Variants in CEP152 observed in about 807,000 individuals in gnomAD.
The protein encoded by CEP152 is centrosomal protein of 152 kDa.
Under a neutral mutation model 188.9 loss-of-function variants are expected in CEP152, and 132 were observed. The observed-to-expected ratio is 0.70, with a 90% CI of 0.61 to 0.81. The LOEUF (loss-of-function observed/expected upper bound fraction) is 0.81. CEP152 is among the 30% of genes least tolerant of loss of function. CEP152 has a pLI of 0.00. For synonymous variants in CEP152, 649 were observed against 666.6 expected, an observed-to-expected ratio of 0.97 and a Z score of 0.41; for missense variants, 1,914 against 1,969.8, an observed-to-expected ratio of 0.97 and a Z score of 0.54.
intron 22 of CEP152, 49 bp from the exon 23 acceptor site, chr15:48,745,041 CCTT>C: frequency 3.1e-6 from 4 of 1,297,050 alleles, no homozygotes; most frequent in Middle Eastern, 2.4e-4. Context: ...ATTTTTTAAG[CCTT>C]CTTTTCCCTT....
At chr15:48,775,557 T>C (rs948467772) in intron 12 of CEP152, among the ~76,000 whole-genome samples, 2 of 152,014 alleles carry the variant, frequency 1.3e-5, no homozygotes, top group Non-Finnish European at 1.5e-5. Context: ...AATAAACAAA[T>C]ATAAGGATAT....
At position 48,739,071 on chromosome 15, in the gene CEP152, T is replaced by G. The variant is rs780290677; in HGVS notation, c.4311A>C (p.Lys1437Asn). 6.2e-7 allele frequency: 1 copy of G among 1,614,218 alleles called. No homozygotes were observed. The highest frequency in any genetic ancestry group is 8.5e-7 in the Non-Finnish European group (1 of 1,180,026). ...EHQSIKHVGS[K>N]ETHLEFQFGD... is the part of the protein sequence containing the mutation. ...CAAACTGGAATTCCAAATGTGTCTC[T>G]TTGGATCCCACATGCTTTATGCTCT... The change falls in exon 27 of 27, where the codon AAA becomes AAC. Residue 1437 changes from lysine (K) to asparagine (N), a missense_variant. Coordinates refer to ENST00000380950, the MANE Select transcript of CEP152 (RefSeq NM_001194998.2).
Position 48,742,308 on chromosome 15 carries a change from G to A in CEP152, c.3836-208C>T, listed in dbSNP as rs76019847. Among the ~76,000 whole-genome samples, 548 of 152,140 alleles carry A rather than the reference G, an allele frequency of 3.6e-3. 3 individuals are homozygous for A. Among genetic ancestry groups the A allele is most frequent in the African/African-American group, 0.013 (530 of 41,482 alleles). On this transcript the variant is annotated intron_variant, in intron 24 of 26. Coordinates refer to ENST00000380950, the MANE Select transcript of CEP152 (RefSeq NM_001194998.2). ...TGAGAAGTACTCTATAAGTTCTTTC[G>A]GAATGATGACAGCTACATATAGTAA... is the stretch of plus-strand genomic sequence containing the variant.
chr15:48,738,304 G>T lies in CEP152; in HGVS notation c.5078C>A (p.Pro1693Gln), dbSNP rs368764302. ...CQQPSRKLIV[P>Q]LSSQQDSGFD... Reference sequence around the variant, plus strand: ...GCCACTATCTTGTTGGCTAGATAGCGGAACAATTAATTTTCTTGAAGGCTG... The same window carrying T: ...GCCACTATCTTGTTGGCTAGATAGCTGAACAATTAATTTTCTTGAAGGCTG... The change falls in exon 27 of 27, where the codon CCG becomes CAG. Residue 1693 changes from proline to glutamine, a missense_variant. Coordinates refer to ENST00000380950, the MANE Select transcript of CEP152 (RefSeq NM_001194998.2). 2 of 1,613,914 alleles carry T rather than the reference G, an allele frequency of 1.2e-6. No individual in the cohort carries two copies.
rs535039626 is a variant in CEP152, at chr15:48,805,792, T to C, written c.-7-136A>G. 6.8e-6 allele frequency: 8 copies of C among 1,172,810 alleles called. No homozygotes were observed. The Admixed American group carries it at 9.8e-5, about 14-fold the overall frequency. 72.7% of individuals were successfully genotyped at this position (1,172,810 alleles called of 1,614,324 possible). A position where few individuals can be genotyped will look rare whatever the true frequency, so the allele number is the denominator to read the frequency against. On this transcript the variant is annotated intron_variant, in intron 1 of 26. Coordinates refer to ENST00000380950, the MANE Select transcript of CEP152 (RefSeq NM_001194998.2). ...GGAGAAAATATGTATAACTCAGTTA[T>C]GGCCAATAAAAATAATGGTGATTCA...
intron 8 of CEP152, 125 bp downstream of exon 8, chr15:48,791,112 A>C (rs1896960038): frequency 1.3e-6 from 1 of 779,688 alleles, no homozygotes; most frequent in African/African-American, 1.8e-5. Flanking sequence ...GCAGTCAGGA[A>C]ATTTAAGTTC....
chr15:48,806,547 G>T (rs909024518), intron 1 of CEP152, among the ~76,000 whole-genome samples: 2 of 152,204 alleles, frequency 1.3e-5, no homozygotes, highest in African/African-American at 4.8e-5. Context: ...TCATGCCAAT[G>T]AAACGCACTT....
chr15:48,796,327 T>C (rs899367664), intron 5 of CEP152, among the ~76,000 whole-genome samples, 167 bp from the exon 6 acceptor site: 2 of 150,718 alleles, frequency 1.3e-5, no homozygotes, highest in African/African-American at 2.4e-5. Flanking sequence ...CACACACATA[T>C]ATATATCTGC....
chr15:48,766,727 C>T (rs1414981352), intron 17 of CEP152, among the ~76,000 whole-genome samples: 1 of 151,300 alleles, frequency 6.6e-6, no homozygotes, highest in Non-Finnish European at 1.5e-5. Flanking sequence ...ATAGGGTTTC[C>T]TGAACAGTCA....
At chr15:48,736,183 A>G (rs533909895), downstream of CEP152, among the ~76,000 whole-genome samples, 1 of 152,332 alleles carries the variant, frequency 6.6e-6, no homozygotes, top group South Asian at 2.1e-4. Flanking sequence ...CCCAGGCTAG[A>G]TGCCTTCACC....
At chr15:48,808,975 T>C (rs1042264496) in intron 1 of CEP152, among the ~76,000 whole-genome samples, 4 of 152,188 alleles carry the variant, frequency 2.6e-5, no homozygotes, top group African/African-American at 7.2e-5. Context: ...TCTGAACCCT[T>C]AACAAGACTA....
chr15:48,754,665 G>A (rs1894129905), intron 20 of CEP152, among the ~76,000 whole-genome samples: 1 of 152,112 alleles, frequency 6.6e-6, no homozygotes, highest in Non-Finnish European at 1.5e-5. Flanking sequence ...AAGTAGGATG[G>A]AGTGAGCTGA....
At chr15:48,729,887 T>C (rs1178296220) in intron 2 of CEP152, 1 of 150,964 alleles carries the variant, frequency 6.6e-6, no homozygotes, top group Non-Finnish European at 1.5e-5. Flanking sequence ...TTGGGGAAAA[T>C]AAAGAAAAAA....
At chr15:48,755,295 A>G (rs1699400) in intron 20 of CEP152, among the ~76,000 whole-genome samples, 11,112 of 152,168 alleles carry the variant, frequency 0.073, 640 homozygotes, top group Admixed American at 0.17. Context: ...GCTTGTTTCT[A>G]TATCAATACC....
chr15:48,784,525 C>G (rs899028056), intron 9 of CEP152, among the ~76,000 whole-genome samples: 2 of 152,106 alleles, frequency 1.3e-5, no homozygotes, highest in African/African-American at 4.8e-5. Flanking sequence ...CTATTTGTAT[C>G]CCAAAACAGT....
At chr15:48,761,053 T>G (rs58178717) in intron 18 of CEP152, among the ~76,000 whole-genome samples, 5,721 of 152,242 alleles carry the variant, frequency 0.038, 365 homozygotes, top group East Asian at 0.16. Flanking sequence ...CTGTAGAAAT[T>G]TATCTACTTA....
chr15:48,776,438 T>C (rs528905144), intron 12 of CEP152, among the ~76,000 whole-genome samples: 24 of 152,240 alleles, frequency 1.6e-4, no homozygotes, highest in Admixed American at 3.3e-4. Flanking sequence ...ATGTAAACTT[T>C]AGGGCTGTTT....
At chr15:48,764,566 T>G (rs1167573056) in intron 17 of CEP152, among the ~76,000 whole-genome samples, 1 of 152,204 alleles carries the variant, frequency 6.6e-6, no homozygotes. Flanking sequence ...TGCATAGAAA[T>G]GGCATCAGGA....
At chr15:48,804,534 A>G (rs1255422857) in intron 2 of CEP152, among the ~76,000 whole-genome samples, 1 of 152,232 alleles carries the variant, frequency 6.6e-6, no homozygotes, top group African/African-American at 2.4e-5. Context: ...AAGAAATTTG[A>G]CTTACACTAA....
Sources: gnomAD v4.1 joint callset for allele counts (sites outside exome capture counted in the v4.1 genomes callset) on GRCh38, gnomAD v4.1.1 for gene constraint, MANE v1.5 for transcripts, NCBI Gene and HGNC (gene_info 2026-07-23, HGNC 2026-07-21) for gene names.